CSMD1: variants seen among roughly 807,000 people sequenced by gnomAD.
CSMD1 encodes CUB and sushi domain-containing protein 1.
CSMD1 carries 213 observed loss-of-function variants against 417.5 expected under a neutral mutation model. That is an observed-to-expected ratio of 0.51 (90% CI 0.46 to 0.57). The LOEUF is 0.57. Among genes scored for constraint, CSMD1 ranks in the 20% least tolerant of loss-of-function variants. The probability of loss-of-function intolerance (pLI) is 0.00; values close to 1 mark genes in which losing one functional copy is unlikely to be tolerated. For missense variants in CSMD1, 6,923 were observed against 4,529.7 expected (o/e 1.53, Z -15.17); for synonymous variants, 2,862 against 1,736.8 (o/e 1.65, Z -16.11).
At chr8:3,766,622 T>A (rs997521189) in intron 5 of CSMD1, among the ~76,000 whole-genome samples, 4 of 151,972 alleles carry the variant, frequency 2.6e-5, no homozygotes, top group African/African-American at 9.7e-5. Flanking sequence ...ATCTCTATAA[T>A]AAATTCCACG....
chr8:4,850,015 T>G lies in CSMD1; in HGVS notation c.85+144317A>C, dbSNP rs1351088018. Among the ~76,000 whole-genome samples the G allele has an allele frequency of 2.0e-5, 3 of 152,202 alleles. 1 individual carries two copies. In the East Asian group the frequency reaches 5.8e-4, roughly 29 times the overall value. ...CAGCAGCAGACATGCGGGTTCTAAT[T>G]TCTCCACATCTGTGTTACGTACGTA... On this transcript the variant is annotated intron_variant, in intron 1 of 69. Transcript: ENST00000635120.
At chr8:4,453,216 GACACACACACAC>G (rs71207090) in intron 2 of CSMD1, among the ~76,000 whole-genome samples, 14 of 149,102 alleles carry the variant, frequency 9.4e-5, no homozygotes, top group South Asian at 4.3e-4. Flanking sequence ...CACACACAGA[GACACACACACAC>G]ACACACACAC....
At chr8:4,579,229 A>G (rs1290649560) in intron 2 of CSMD1, among the ~76,000 whole-genome samples, 1 of 151,830 alleles carries the variant, frequency 6.6e-6, no homozygotes, top group Non-Finnish European at 1.5e-5. Flanking sequence ...AATAATCCTC[A>G]TGCCAACGGC....
intron 26 of CSMD1, among the ~76,000 whole-genome samples, chr8:3,261,732 T>C (rs1369916946): frequency 6.6e-6 from 1 of 152,034 alleles, no homozygotes; most frequent in Non-Finnish European, 1.5e-5. Context: ...AGGTACTGAA[T>C]GAAGAGGCCA....
chr8:4,984,778 T>C (rs547333488), intron 1 of CSMD1, among the ~76,000 whole-genome samples: 1 of 152,252 alleles, frequency 6.6e-6, no homozygotes, highest in Non-Finnish European at 1.5e-5. Context: ...AACCCCCAGA[T>C]TCTTGCCAGA....
rs1051780611 is a variant in CSMD1 at position 4,597,170 on chromosome 8, T to G, written c.302+40172A>C. 2.0e-5 allele frequency among the ~76,000 whole-genome samples: 3 copies of G among 152,306 alleles called. No homozygotes were observed. In the East Asian group the frequency reaches 5.8e-4, roughly 29 times the overall value. On this transcript the variant is annotated intron_variant, in intron 2 of 69. Coordinates refer to ENST00000635120, the MANE Select transcript of CSMD1 (RefSeq NM_033225.6). ...CAGTTTCCTCTCCTCAGTCAAAACTTTGAAATAATAAACTTGTGATGCTGA... is the reference window on the plus strand; with the variant it reads ...CAGTTTCCTCTCCTCAGTCAAAACTGTGAAATAATAAACTTGTGATGCTGA...
chr8:3,140,349 G>GTCTC (rs10666539), intron 41 of CSMD1, among the ~76,000 whole-genome samples: 27 of 150,620 alleles, frequency 1.8e-4, no homozygotes, highest in African/African-American at 5.9e-4. Context: ...CTCTCTCTCT[G>GTCTC]TCTCTCTCTC....
chr8:3,995,743 A>G (rs148152447), intron 5 of CSMD1, among the ~76,000 whole-genome samples: 24 of 152,356 alleles, frequency 1.6e-4, no homozygotes, highest in African/African-American at 5.8e-4. Context: ...AAATAGGACA[A>G]TATAAGTCAT....
At chr8:4,458,779 G>A (rs777967871) in intron 2 of CSMD1, among the ~76,000 whole-genome samples, 8 of 151,912 alleles carry the variant, frequency 5.3e-5, no homozygotes, top group Admixed American at 1.3e-4. Flanking sequence ...ATAAGATAAC[G>A]GTTAGGAATA....
chr8:3,960,534 T>G (rs2129975116), intron 5 of CSMD1, among the ~76,000 whole-genome samples: 1 of 152,280 alleles, frequency 6.6e-6, no homozygotes, highest in East Asian at 1.9e-4. Context: ...CATTTAAGTG[T>G]GCCAATTAGG....
intron 9 of CSMD1, among the ~76,000 whole-genome samples, chr8:3,581,438 A>G (rs1800378229): frequency 6.6e-6 from 1 of 152,218 alleles, no homozygotes; most frequent in South Asian, 2.1e-4. Flanking sequence ...CCCCGTTCTC[A>G]GAGCTAATTA....
intron 5 of CSMD1, among the ~76,000 whole-genome samples, chr8:3,887,532 C>T (rs1347650398): frequency 6.6e-6 from 1 of 152,186 alleles, no homozygotes; most frequent in Non-Finnish European, 1.5e-5. Flanking sequence ...CATGAATGTC[C>T]AGACCTTAAT....
At chr8:3,079,773 A>G (rs1022415819) in intron 49 of CSMD1, among the ~76,000 whole-genome samples, 5 of 152,126 alleles carry the variant, frequency 3.3e-5, no homozygotes, top group Non-Finnish European at 7.3e-5. Context: ...GGAATCTGAA[A>G]GACTGGAGCT....
At chr8:4,602,957 AAAG>A (rs779207475) in intron 2 of CSMD1, among the ~76,000 whole-genome samples, 58 of 152,126 alleles carry the variant, frequency 3.8e-4, no homozygotes, top group Middle Eastern at 3.4e-3. Context: ...AATAGATAAA[AAAG>A]AAGATATTCA....
At chr8:3,772,305 A>C (rs950531530) in intron 5 of CSMD1, among the ~76,000 whole-genome samples, 2 of 145,032 alleles carry the variant, frequency 1.4e-5, no homozygotes, top group Admixed American at 7.0e-5. Context: ...ATGTACATAT[A>C]TTTAGACATA....
At chr8:3,565,388 G>A (rs1476120859) in intron 10 of CSMD1, among the ~76,000 whole-genome samples, 2 of 152,030 alleles carry the variant, frequency 1.3e-5, no homozygotes, top group African/African-American at 4.8e-5. Flanking sequence ...ATAATGGGGA[G>A]GCTCCCTTCG....
At chr8:3,161,930 T>C (rs1819923117) in intron 38 of CSMD1, among the ~76,000 whole-genome samples, 1 of 152,152 alleles carries the variant, frequency 6.6e-6, no homozygotes, top group African/African-American at 2.4e-5. Context: ...TATTTTGAAA[T>C]AAAACAATTG....
intron 8 of CSMD1, among the ~76,000 whole-genome samples, chr8:3,598,938 G>A (rs1380987107): frequency 1.3e-5 from 2 of 151,948 alleles, no homozygotes; most frequent in Non-Finnish European, 2.9e-5. Context: ...AAAATTAACT[G>A]GGCATGGTGG....
At chr8:3,959,457 C>G (rs1011702428) in intron 5 of CSMD1, among the ~76,000 whole-genome samples, 2 of 152,170 alleles carry the variant, frequency 1.3e-5, no homozygotes, top group Non-Finnish European at 2.9e-5. Context: ...CAAGATCACG[C>G]CATTGCACTC....
Sources: gnomAD v4.1 joint callset for allele counts (sites outside exome capture counted in the v4.1 genomes callset) on GRCh38, gnomAD v4.1.1 for gene constraint, MANE v1.5 for transcripts, NCBI Gene and HGNC (gene_info 2026-07-23, HGNC 2026-07-21) for gene names.